Variants in CGNL1 observed in about 807,000 individuals in gnomAD.
The protein encoded by CGNL1 is cingulin like 1, also known as cingulin-like protein 1.
In CGNL1, 132 loss-of-function variants were observed where a neutral mutation model predicts 141.2. The ratio of observed to expected loss-of-function variants is 0.93; its 90% CI spans 0.81 to 1.08. The LOEUF is 1.08. Ranked by LOEUF, CGNL1 falls within the 50% of genes least tolerant of loss-of-function variation. CGNL1 has a pLI of 0.00. For synonymous variants in CGNL1, 690 were observed against 622.1 expected (o/e 1.11, Z -1.63); for missense variants, 1,870 against 1,588.6 (o/e 1.18, Z -3.01).
chr15:57,428,915 C>G (rs1296873820), intron 1 of CGNL1, among the ~76,000 whole-genome samples: 10 of 151,928 alleles, frequency 6.6e-5, no homozygotes, highest in African/African-American at 2.4e-4. Context: ...CCCAGCTACT[C>G]CGGAGGCTGA....
intron 8 of CGNL1, among the ~76,000 whole-genome samples, chr15:57,504,505 G>C (rs932355952): frequency 6.6e-6 from 1 of 152,192 alleles, no homozygotes; most frequent in Non-Finnish European, 1.5e-5. Context: ...AGGTCTTTAC[G>C]TGATGTGATA....
intron 1 of CGNL1, chr15:57,407,358 T>C (rs1235790695): frequency 6.6e-6 from 1 of 152,138 alleles, no homozygotes; most frequent in African/African-American, 2.4e-5. Flanking sequence ...AAATAAGTAA[T>C]TGCGAAAAAA....
At chr15:57,513,253 G>GTGT (rs2030479082) in intron 8 of CGNL1, among the ~76,000 whole-genome samples, 2 of 133,890 alleles carry the variant, frequency 1.5e-5, no homozygotes, top group African/African-American at 2.8e-5. Context: ...TGTCAATATG[G>GTGT]GTGTGTGTGT....
At position 57,502,490 on chromosome 15, in the gene CGNL1, T is replaced by G. The variant is rs2064039148; in HGVS notation, c.2404-14290T>G. Among the ~76,000 whole-genome samples the G allele has an allele frequency of 1.3e-5, 2 of 152,228 alleles. 1 individual carries two copies. Among genetic ancestry groups the G allele is most frequent in the South Asian group, 4.1e-4 (2 of 4,836 alleles). ...AGAAAGTTGGTGTCTTAAATAATGCTGATGTTCTGTGACTTTATGAATGGG... is the reference window on the plus strand; with the variant it reads ...AGAAAGTTGGTGTCTTAAATAATGCGGATGTTCTGTGACTTTATGAATGGG... On this transcript the variant is annotated intron_variant, in intron 8 of 18. Coordinates refer to ENST00000281282, the MANE Select transcript of CGNL1 (RefSeq NM_032866.5).
chr15:57,431,899 T>G lies in CGNL1; in HGVS notation c.-15-6086T>G, dbSNP rs1706363. Among the ~76,000 whole-genome samples the G allele has an allele frequency of 4.2e-3, 643 of 152,316 alleles. 7 individuals are homozygous for G. The highest frequency in any genetic ancestry group is 0.015 in the African/African-American group (616 of 41,542). ...TCATCAGCCTGGTAGTATCTTCTCT[T>G]TAAATGAGGCAGTCACAGGATCCCA... is the stretch of plus-strand genomic sequence containing the variant. On this transcript the variant is annotated intron_variant, in intron 1 of 18. Transcript: ENST00000281282.
At chr15:57,519,175 C>T (rs1443582913) in intron 10 of CGNL1, among the ~76,000 whole-genome samples, 1 of 152,182 alleles carries the variant, frequency 6.6e-6, no homozygotes, top group Non-Finnish European at 1.5e-5. Context: ...GCACAGTGAC[C>T]TCCGGGTGAT....
intron 12 of CGNL1, among the ~76,000 whole-genome samples, chr15:57,528,409 C>A (rs561598495): frequency 1.4e-4 from 22 of 152,220 alleles, no homozygotes; most frequent in African/African-American, 5.3e-4. Context: ...AAATGCTGGT[C>A]AATATCTACC....
intron 18 of CGNL1, 77 bp from the exon 19 acceptor site, chr15:57,547,278 A>C: frequency 6.4e-7 from 1 of 1,556,390 alleles, no homozygotes; most frequent in Non-Finnish European, 8.7e-7. Flanking sequence ...CAGCAACCCA[A>C]AACCCTCCCT....
intron 8 of CGNL1, among the ~76,000 whole-genome samples, chr15:57,464,712 TTC>T (rs2063489515): frequency 6.8e-6 from 1 of 147,996 alleles, no homozygotes; most frequent in Admixed American, 6.7e-5. Flanking sequence ...TTCCTTTCCT[TTC>T]CTTTCCTTTC....
Position 57,452,230 on chromosome 15 carries a change from C to T in CGNL1, c.1995C>T (p.Asn665=), listed in dbSNP as rs771445107. The part of the protein sequence containing the change: ...RSQHNEKVEE[N]STLQQRLEES... ...AACACAACGAAAAGGTGGAGGAGAA[C>T]TCCACATTGCAGCAACGACTGGAAG... The change falls in exon 6 of 19, where the codon AAC becomes AAT. Residue 665 remains asparagine (N), a synonymous_variant. Coordinates refer to ENST00000281282, the MANE Select transcript of CGNL1 (RefSeq NM_032866.5). 1 of 1,613,988 alleles carries T rather than the reference C, an allele frequency of 6.2e-7. No individual in the cohort carries two copies. Among genetic ancestry groups the T allele is most frequent in the South Asian group, 1.1e-5 (1 of 91,052 alleles).
chr15:57,538,944 C>T (rs2032416274), intron 14 of CGNL1, among the ~76,000 whole-genome samples: 1 of 152,178 alleles, frequency 6.6e-6, no homozygotes, highest in Non-Finnish European at 1.5e-5. Flanking sequence ...AATCCCAAAG[C>T]TGCTTCCACC....
intron 1 of CGNL1, among the ~76,000 whole-genome samples, chr15:57,408,566 C>A (rs1000706814): frequency 2.6e-5 from 4 of 152,022 alleles, no homozygotes; most frequent in African/African-American, 9.7e-5. Context: ...GAGATGAGGT[C>A]TCCCTTTGTT....
chr15:57,449,116 C>T (rs776312070), intron 4 of CGNL1, among the ~76,000 whole-genome samples: 7 of 152,138 alleles, frequency 4.6e-5, no homozygotes, highest in African/African-American at 1.2e-4. Context: ...CTAGTGTCTC[C>T]CTAGCATTGG....
intron 1 of CGNL1, among the ~76,000 whole-genome samples, chr15:57,428,481 G>A (rs1174748785): frequency 1.3e-5 from 2 of 152,214 alleles, no homozygotes; most frequent in Non-Finnish European, 2.9e-5. Context: ...GAGGGATGAT[G>A]TGTGTGTCTG....
At chr15:57,540,462 C>T (rs544486768) in intron 14 of CGNL1, among the ~76,000 whole-genome samples, 3 of 152,282 alleles carry the variant, frequency 2.0e-5, no homozygotes, top group Non-Finnish European at 2.9e-5. Flanking sequence ...GGGAAAGACC[C>T]GCCCCCGTGA....
chr15:57,514,971 C>G (rs2030650079), intron 8 of CGNL1, among the ~76,000 whole-genome samples: 1 of 152,202 alleles, frequency 6.6e-6, no homozygotes, highest in African/African-American at 2.4e-5. Flanking sequence ...TGCCTTCCCT[C>G]ATGCCAGTAC....
chr15:57,504,032 G>C (rs1341072415), intron 8 of CGNL1, among the ~76,000 whole-genome samples: 1 of 152,102 alleles, frequency 6.6e-6, no homozygotes, highest in African/African-American at 2.4e-5. Flanking sequence ...TGAGTACGCT[G>C]GGAGTGGCAT....
intron 12 of CGNL1, among the ~76,000 whole-genome samples, chr15:57,526,895 G>A (rs2031649405): frequency 6.6e-6 from 1 of 152,120 alleles, no homozygotes. Context: ...AGGGGGACAG[G>A]AAGGAAACGC....
intron 12 of CGNL1, chr15:57,527,565 A>G (rs4774955): frequency 0.78 from 119,477 of 152,280 alleles, 47,397 homozygotes; most frequent in Non-Finnish European, 0.83. Flanking sequence ...AGGAAGACCT[A>G]CTGTGCCCTG....
Sources: gnomAD v4.1 joint callset for allele counts (sites outside exome capture counted in the v4.1 genomes callset) on GRCh38, gnomAD v4.1.1 for gene constraint, MANE v1.5 for transcripts, NCBI Gene and HGNC (gene_info 2026-07-23, HGNC 2026-07-21) for gene names.